Variants in EZR observed in about 807,000 individuals in gnomAD.
EZR encodes the protein ezrin, also known as cytovillin 2.
A neutral mutation model predicts 74.8 loss-of-function variants in EZR; 40 were observed. That is an observed-to-expected ratio of 0.53 (90% confidence interval 0.42 to 0.70). EZR has a LOEUF of 0.70. Ranked by LOEUF, EZR falls within the 30% of genes least tolerant of loss-of-function variation. The pLI, the probability that EZR is intolerant of heterozygous loss-of-function variation, is 0.00. For synonymous variants in EZR, 341 were observed against 283.3 expected (o/e 1.20, Z -2.05); for missense variants, 678 against 755.8 (o/e 0.90, Z 1.21).
At chr6:158,789,983 T>C (rs1044102657) in intron 2 of EZR, among the ~76,000 whole-genome samples, 1 of 152,108 alleles carries the variant, frequency 6.6e-6, no homozygotes, top group African/African-American at 2.4e-5. Context: ...CACCATCTCA[T>C]ATGAGCCTTA....
intron 2 of EZR, among the ~76,000 whole-genome samples, chr6:158,804,890 T>C (rs1168935047): frequency 4.0e-5 from 6 of 149,190 alleles, no homozygotes; most frequent in African/African-American, 1.5e-4. Flanking sequence ...ATTAGGTATA[T>C]CTCCCGATGC....
At chr6:158,771,548 T>C in intron 8 of EZR, 141 bp from the exon 9 acceptor site, 1 of 855,780 alleles carries the variant, frequency 1.2e-6, no homozygotes, top group South Asian at 1.8e-5. Context: ...GCACTAGGAA[T>C]GTGCATTCTC....
intron 1 of EZR, 105 bp from the exon 2 acceptor site, chr6:158,818,271 A>C (rs1043510032): frequency 2.0e-6 from 1 of 509,908 alleles, no homozygotes; most frequent in Non-Finnish European, 3.3e-6. Flanking sequence ...AGAACCGGCC[A>C]GCCCGGGCCC....
chr6:158,770,644 G>T (rs1791073641), intron 10 of EZR, 120 bp downstream of exon 10: 1 of 1,139,062 alleles, frequency 8.8e-7, no homozygotes, highest in Non-Finnish European at 1.3e-6. Context: ...TCGGCTGTGA[G>T]TCTGCGCTGT....
At chr6:158,791,608 A>G (rs1308558646) in intron 2 of EZR, among the ~76,000 whole-genome samples, 1 of 151,980 alleles carries the variant, frequency 6.6e-6, no homozygotes, top group Non-Finnish European at 1.5e-5. Context: ...CTACTGGTTC[A>G]GAAGTGGGAA....
At chr6:158,771,165 A>G (rs1791095131) in intron 9 of EZR, 79 bp downstream of exon 9, 1 of 1,490,498 alleles carries the variant, frequency 6.7e-7, no homozygotes, top group Admixed American at 2.1e-5. Flanking sequence ...TCAGCTCCAC[A>G]GTCACCTGAC....
Position 158,781,399 on chromosome 6 carries a change from C to T in EZR, c.698+2121G>A, listed in dbSNP as rs1442126437. ...CATCTGAGAGAGTTGCCACGTTCAT[C>T]GCTCAATGGTGGGGGAGGGGGAGCA... On this transcript the variant is annotated intron_variant, in intron 7 of 13. Coordinates refer to ENST00000367075, the MANE Select transcript of EZR (RefSeq NM_001111077.2). 3.3e-5 allele frequency among the ~76,000 whole-genome samples: 5 copies of T among 152,150 alleles called. No homozygotes were observed. In the South Asian group the frequency reaches 6.2e-4, roughly 19 times the overall value.
intron 2 of EZR, among the ~76,000 whole-genome samples, chr6:158,793,305 C>T (rs1313444873): frequency 3.3e-5 from 5 of 151,912 alleles, no homozygotes; most frequent in Non-Finnish European, 7.4e-5. Flanking sequence ...CTAGGACCAG[C>T]AATAGGAATC....
At chr6:158,781,141 G>C (rs142767814) in intron 7 of EZR, among the ~76,000 whole-genome samples, 1 of 152,086 alleles carries the variant, frequency 6.6e-6, no homozygotes, top group Non-Finnish European at 1.5e-5. Flanking sequence ...AGGTAACAGC[G>C]CAACAGCTGG....
At chr6:158,818,580 G>C (rs1777618095) in intron 1 of EZR, among the ~76,000 whole-genome samples, 1 of 149,020 alleles carries the variant, frequency 6.7e-6, no homozygotes, top group South Asian at 2.1e-4. Flanking sequence ...GGGAACACTC[G>C]GCCAGGAGGG....
At chr6:158,783,481 C>CA in intron 7 of EZR, 39 bp downstream of exon 7, 1 of 1,570,924 alleles carries the variant, frequency 6.4e-7, no homozygotes, top group Non-Finnish European at 8.7e-7. Context: ...CCAGGCCCAC[C>CA]ACCCTACCTA....
At chr6:158,807,266 G>C (rs1777360214) in intron 2 of EZR, among the ~76,000 whole-genome samples, 1 of 148,410 alleles carries the variant, frequency 6.7e-6, no homozygotes, top group African/African-American at 2.5e-5. Context: ...GGTGAGTCCA[G>C]ATCACACCAC....
chr6:158,802,066 T>A (rs1244809791), intron 2 of EZR, among the ~76,000 whole-genome samples: 1 of 152,224 alleles, frequency 6.6e-6, no homozygotes, highest in Non-Finnish European at 1.5e-5. Context: ...CCAAAAAACG[T>A]AACCCACCAC....
Position 158,771,412 on chromosome 6 carries a change from A to G in EZR, c.796-5T>C, listed in dbSNP as rs1400174977. ...TGGGGCATAAAACACAAAGTCCTAC[A>G]AAACAGAACAGGGCCACCTGGACTC... is the stretch of plus-strand genomic sequence containing the variant. On this transcript the variant is annotated splice_region_variant and splice_polypyrimidine_tract_variant and intron_variant, in intron 8 of 13. Coordinates refer to ENST00000367075, the MANE Select transcript of EZR (RefSeq NM_001111077.2). 6.3e-6 allele frequency: 10 copies of G among 1,595,856 alleles called. No individual in the cohort carries two copies. The East Asian group carries it at 2.2e-4, about 36-fold the overall frequency.
chr6:158,779,396 G>A (rs1381761930), intron 7 of EZR, among the ~76,000 whole-genome samples: 2 of 152,150 alleles, frequency 1.3e-5, no homozygotes, highest in African/African-American at 2.4e-5. Context: ...GGACATCAGT[G>A]AGACAACTGA....
At position 158,814,405 on chromosome 6, in the gene EZR, C is replaced by T. The variant is rs542078194; in HGVS notation, c.12+3677G>A. On this transcript the variant is annotated intron_variant, in intron 2 of 13. Transcript: ENST00000367075. ...CCTCTCGACGTTACCTAGGCTCTTT[C>T]CCAGTCTGACAGCACTTAGCGGGTT... 2.4e-3 allele frequency among the ~76,000 whole-genome samples: 334 copies of T among 139,574 alleles called. 2 individuals are homozygous for T. Among genetic ancestry groups the T allele is most frequent in the Non-Finnish European group, 3.8e-3 (244 of 63,464 alleles). 91.6% of individuals were successfully genotyped at this position (139,574 alleles called of 152,430 possible). A position where few individuals can be genotyped will look rare whatever the true frequency, so the allele number is the denominator to read the frequency against.
intron 2 of EZR, among the ~76,000 whole-genome samples, chr6:158,793,778 T>G (rs9295086): frequency 0.78 from 118,241 of 152,164 alleles, 47,846 homozygotes; most frequent in African/African-American, 0.91. Flanking sequence ...CCAGATTAAG[T>G]ACCACAGCAT....
chr6:158,793,614 T>C (rs1319524683), intron 2 of EZR, among the ~76,000 whole-genome samples: 1 of 152,168 alleles, frequency 6.6e-6, no homozygotes, highest in Non-Finnish European at 1.5e-5. Context: ...AGCACAAGTA[T>C]TCATTCTGCA....
At chr6:158,784,878 T>C in intron 5 of EZR, 151 bp from the exon 6 acceptor site, 1 of 662,538 alleles carries the variant, frequency 1.5e-6, no homozygotes, top group Non-Finnish European at 2.7e-6. Context: ...ATGTGCAGCA[T>C]TTCTATTTAT....
Sources: allele counts gnomAD v4.1 joint callset (sites outside exome capture counted in the v4.1 genomes callset), GRCh38; gene constraint gnomAD v4.1.1; transcripts MANE v1.5; gene names NCBI Gene and HGNC (gene_info 2026-07-23, HGNC 2026-07-21).